NAA80: variants seen among roughly 807,000 people sequenced by gnomAD.
NAA80 encodes N-alpha-acetyltransferase 80, NatH catalytic subunit, also known as N-alpha-acetyltransferase 80.
In NAA80, 5 loss-of-function variants were observed where a neutral mutation model predicts 8.7. The ratio of observed to expected loss-of-function variants is 0.58; its 90% CI spans 0.30 to 1.21. NAA80 has a LOEUF of 1.21. NAA80 is among the 50% of genes most tolerant of loss of function. NAA80 has a pLI of 0.07. For missense variants in NAA80, 360 were observed against 368.6 expected, an observed-to-expected ratio of 0.98 and a Z score of 0.19; for synonymous variants, 149 against 156.6, an observed-to-expected ratio of 0.95 and a Z score of 0.36.
chr3:50,297,522 T>G lies in NAA80; in HGVS notation c.-59A>C. On this transcript the variant is annotated 5_prime_UTR_variant, in exon 2 of 2. Coordinates refer to ENST00000443094, the MANE Select transcript of NAA80 (RefSeq NM_001200016.2). The surrounding 1 kb of genome is among the most constrained non-coding windows in gnomAD (Gnocchi z 4.3). ...GGCTGGGCCAGGGCTCAGAGTCAGCTCTTGCCTATGCACAGGATCCAGGTT... is the reference window on the plus strand; with the variant it reads ...GGCTGGGCCAGGGCTCAGAGTCAGCGCTTGCCTATGCACAGGATCCAGGTT... The G allele has an allele frequency of 6.5e-7, 1 of 1,531,098 alleles. No homozygotes were observed. The highest frequency in any genetic ancestry group is 1.8e-4 in the Middle Eastern group (1 of 5,676). The allele number at this position is 1,531,098 out of a possible 1,614,324, so 94.8% of individuals were successfully genotyped here. A position where few individuals can be genotyped will look rare whatever the true frequency, so the allele number is the denominator to read the frequency against.
chr3:50,297,045 G>A lies in NAA80; in HGVS notation c.419C>T (p.Thr140Ile). The A allele has an allele frequency of 1.3e-6, 2 of 1,538,086 alleles. No homozygotes were observed. Among genetic ancestry groups the A allele is most frequent in the Non-Finnish European group, 1.7e-6 (2 of 1,145,592 alleles). The change falls in exon 2 of 2, where the codon ACA (threonine) becomes ATA (isoleucine). Residue 140 changes from threonine (T) to isoleucine (I), a missense_variant. Coordinates refer to ENST00000443094, the MANE Select transcript of NAA80 (RefSeq NM_001200016.2). The surrounding 1 kb of genome is among the most constrained non-coding windows in gnomAD (Gnocchi z 4.3). The part of the protein sequence containing the change: ...LNQPQSLLVE[T>I]VVVARALRGR... ...CCTCAGGGCCCGGGCCACCACCACT[G>A]TCTCCACTAAGAGGCTCTGGGGCTG...
chr3:50,296,554 T>TC lies in NAA80; in HGVS notation c.*48dup, dbSNP rs200163623. 1.1e-3 allele frequency: 1,664 copies of TC among 1,579,294 alleles called. 14 individuals are homozygous for TC. The African/African-American group carries it at 0.02, about 19-fold the overall frequency. Reference sequence around the variant, plus strand: ...TCAGTGGGCTGAGGCTTGTAGACTGTCGGGGCAGTCTATTGAACCAGAAAG... The same window carrying TC: ...TCAGTGGGCTGAGGCTTGTAGACTGTCCGGGGCAGTCTATTGAACCAGAAAG... On this transcript the variant is annotated 3_prime_UTR_variant, in exon 2 of 2. Transcript: ENST00000443094.
Position 50,296,435 on chromosome 3 carries a change from G to C in NAA80, c.*168C>G. On this transcript the variant is annotated 3_prime_UTR_variant, in exon 2 of 2. Coordinates refer to ENST00000443094, the MANE Select transcript of NAA80 (RefSeq NM_001200016.2). ...AGAGCCTTTATTCAGCCACACTGACGGCTCTGAGCCAGAGCCACCTCCTGG... is the reference window on the plus strand; with the variant it reads ...AGAGCCTTTATTCAGCCACACTGACCGCTCTGAGCCAGAGCCACCTCCTGG... The C allele has an allele frequency of 1.4e-6, 1 of 716,946 alleles. No homozygotes were observed. The allele number at this position is 716,946 out of a possible 1,614,324, so 44.4% of individuals were successfully genotyped here.
At chr3:50,298,771 C>A (rs1420067860) in intron 1 of NAA80, 4 of 1,059,668 alleles carry the variant, frequency 3.8e-6, no homozygotes, top group Non-Finnish European at 3.4e-6. Flanking sequence ...GTAACAGGCA[C>A]CCCCCTCCCC....
intron 1 of NAA80, chr3:50,298,905 G>A: frequency 1.5e-6 from 2 of 1,354,192 alleles, no homozygotes; most frequent in East Asian, 3.0e-5. Context: ...TGAGCCCGGG[G>A]CTTCCCCGCG....
chr3:50,298,122 C>A (rs1575505052), intron 1 of NAA80: 1 of 983,810 alleles, frequency 1.0e-6, no homozygotes, highest in Non-Finnish European at 1.2e-6. Flanking sequence ...AGACACTATA[C>A]CCCCTGCTCA....
Position 50,297,439 on chromosome 3 carries a change from G to C in NAA80, c.25C>G (p.Pro9Ala), listed in dbSNP as rs782111332. The C allele has an allele frequency of 2.5e-6, 4 of 1,610,680 alleles. No homozygotes were observed. In the Admixed American group the frequency reaches 6.7e-5, roughly 27 times the overall value. Reference sequence around the variant, plus strand: ...GCAGGATCCAGAGTCAGCTCAGCTGGGCTGGTACTCAGGATCAGCTCCATC... The same window carrying C: ...GCAGGATCCAGAGTCAGCTCAGCTGCGCTGGTACTCAGGATCAGCTCCATC... MELILSTS[P>A]AELTLDPACQ... Residue 9 changes from proline to alanine, a missense_variant, in exon 2 of 2, where the codon CCA becomes GCA. Transcript: ENST00000443094. This position sits in a 1 kb window ranked among gnomAD's most constrained non-coding sequence, Gnocchi z 4.3.
At position 50,296,517 on chromosome 3, in the gene NAA80, G is replaced by T; in HGVS notation, c.*86C>A. On this transcript the variant is annotated 3_prime_UTR_variant, in exon 2 of 2. Coordinates refer to ENST00000443094, the MANE Select transcript of NAA80 (RefSeq NM_001200016.2). ...TAAAGCTGCCCCCCAGGGGCTAGGG[G>T]CTGAGGTATGGTCAGTGGGCTGAGG... is the stretch of plus-strand genomic sequence containing the variant. 1.4e-6 allele frequency: 2 copies of T among 1,479,036 alleles called. No homozygotes were observed. The highest frequency in any genetic ancestry group is 1.9e-6 in the Non-Finnish European group (2 of 1,080,758). 91.6% of individuals were successfully genotyped at this position (1,479,036 alleles called of 1,614,324 possible).
Position 50,296,514 on chromosome 3 carries a change from G to A in NAA80, c.*89C>T, listed in dbSNP as rs1701844773. Reference sequence around the variant, plus strand: ...GGTTAAAGCTGCCCCCCAGGGGCTAGGGGCTGAGGTATGGTCAGTGGGCTG... The same window carrying A: ...GGTTAAAGCTGCCCCCCAGGGGCTAAGGGCTGAGGTATGGTCAGTGGGCTG... On this transcript the variant is annotated 3_prime_UTR_variant, in exon 2 of 2. Transcript: ENST00000443094. 1.4e-6 allele frequency: 2 copies of A among 1,463,980 alleles called. No homozygotes were observed. The highest frequency in any genetic ancestry group is 9.3e-7 in the Non-Finnish European group (1 of 1,072,528). The allele number at this position is 1,463,980 out of a possible 1,614,324, so 90.7% of individuals were successfully genotyped here.
In NAA80 at chr3:50,299,259, G is replaced by C. The variant is rs781986447; in HGVS notation, c.-256C>G. 6.2e-6 allele frequency: 10 copies of C among 1,613,982 alleles called. No homozygotes were observed. The highest frequency in any genetic ancestry group is 8.5e-6 in the Non-Finnish European group (10 of 1,180,002). On this transcript the variant is annotated 5_prime_UTR_variant, in exon 1 of 2. Transcript: ENST00000443094. ...ATGTTCCGCGTCCTAGCTCCGCACA[G>C]CTGGGTATCTCACTCAGTCGCCACC...
chr3:50,296,762 C>A lies in NAA80; in HGVS notation c.702G>T (p.Arg234Ser), dbSNP rs1553711232. ...APNLTAQAAP[R>S]GPKGPPLPPP... ...GTGGCAATGGAGGTCCCTTGGGACC[C>A]CTTGGGGCAGCTTGGGCAGTCAGGT... The change falls in exon 2 of 2, where the codon AGG becomes AGT. Residue 234 changes from arginine (R) to serine (S), a missense_variant. Transcript: ENST00000443094. 6 of 1,602,700 alleles carry A rather than the reference C, an allele frequency of 3.7e-6. No individual in the cohort carries two copies. The highest frequency in any genetic ancestry group is 1.7e-5 in the Admixed American group (1 of 58,648).
At chr3:50,299,107 A>G in intron 1 of NAA80, 106 bp downstream of exon 1, 3 of 1,610,126 alleles carry the variant, frequency 1.9e-6, no homozygotes, top group Non-Finnish European at 2.5e-6. Flanking sequence ...ATGGTCTGGA[A>G]ACGAACGACT....
In NAA80 at chr3:50,296,512, T is replaced by C. The variant is rs1407884034; in HGVS notation, c.*91A>G. ...CAGGTTAAAGCTGCCCCCCAGGGGC[T>C]AGGGGCTGAGGTATGGTCAGTGGGC... On this transcript the variant is annotated 3_prime_UTR_variant, in exon 2 of 2. Coordinates refer to ENST00000443094, the MANE Select transcript of NAA80 (RefSeq NM_001200016.2). 1.7e-5 allele frequency: 25 copies of C among 1,451,522 alleles called. No homozygotes were observed. The highest frequency in any genetic ancestry group is 2.3e-4 in the Middle Eastern group (1 of 4,278). 89.9% of individuals were successfully genotyped at this position (1,451,522 alleles called of 1,614,324 possible). A position where few individuals can be genotyped will look rare whatever the true frequency, so the allele number is the denominator to read the frequency against.
intron 1 of NAA80, 170 bp downstream of exon 1, chr3:50,299,043 C>A (rs782150206): frequency 1.9e-6 from 3 of 1,562,998 alleles, no homozygotes; most frequent in Non-Finnish European, 2.6e-6. Context: ...GGCTGTGGAG[C>A]TTTTGGGAAT....
Position 50,297,110 on chromosome 3 carries a change from G to T in NAA80, c.354C>A (p.Pro118=). 1 of 1,556,270 alleles carries T rather than the reference G, an allele frequency of 6.4e-7. No homozygotes were observed. The highest frequency in any genetic ancestry group is 8.7e-7 in the Non-Finnish European group (1 of 1,149,682). The change falls in exon 2 of 2, where the codon CCC becomes CCA. Residue 118 remains proline (P), a synonymous_variant. Transcript: ENST00000443094. The surrounding 1 kb of genome is among the most constrained non-coding windows in gnomAD (Gnocchi z 4.3). The part of the protein sequence containing the change: ...LSPHPTLEAA[P]VVVGHARLSR... ...ACAGGCGGGCATGGCCCACCACAAC[G>T]GGTGCTGCTTCAAGTGTGGGGTGGG...
In NAA80 at chr3:50,296,510, G is replaced by A; in HGVS notation, c.*93C>T. Reference sequence around the variant, plus strand: ...CCCAGGTTAAAGCTGCCCCCCAGGGGCTAGGGGCTGAGGTATGGTCAGTGG... The same window carrying A: ...CCCAGGTTAAAGCTGCCCCCCAGGGACTAGGGGCTGAGGTATGGTCAGTGG... On this transcript the variant is annotated 3_prime_UTR_variant, in exon 2 of 2. Transcript: ENST00000443094. 7.0e-7 allele frequency: 1 copy of A among 1,425,234 alleles called. No homozygotes were observed. The highest frequency in any genetic ancestry group is 9.6e-7 in the Non-Finnish European group (1 of 1,040,346). 88.3% of individuals were successfully genotyped at this position (1,425,234 alleles called of 1,614,324 possible). A position where few individuals can be genotyped will look rare whatever the true frequency, so the allele number is the denominator to read the frequency against.
Position 50,296,855 on chromosome 3 carries a change from C to G in NAA80, c.609G>C (p.Arg203=). 6.3e-7 allele frequency: 1 copy of G among 1,590,320 alleles called. No homozygotes were observed. The highest frequency in any genetic ancestry group is 8.6e-7 in the Non-Finnish European group (1 of 1,169,584). Reference sequence around the variant, plus strand: ...AGGCATTAAGCAGGGTGGCAGGCAGCCGTCTGCTGGTGAAGACCAGGCCCT... The same window carrying G: ...AGGCATTAAGCAGGGTGGCAGGCAGGCGTCTGCTGGTGAAGACCAGGCCCT... ...PVQGLVFTSR[R]LPATLLNAFP... is the part of the protein sequence containing the mutation. The change falls in exon 2 of 2, where the codon CGG becomes CGC. Residue 203 remains arginine, a synonymous_variant. Transcript: ENST00000443094.
chr3:50,298,997 G>A (rs1481229809), intron 1 of NAA80: 27 of 1,465,258 alleles, frequency 1.8e-5, no homozygotes, highest in Non-Finnish European at 2.3e-5. Flanking sequence ...CGTCTCTCCC[G>A]GGCCTCGGTT....
chr3:50,297,656 CCA>C lies in NAA80; in HGVS notation c.-195_-194del, dbSNP rs1323109737. 5 of 1,419,658 alleles carry C rather than the reference CCA, an allele frequency of 3.5e-6. No individual in the cohort carries two copies. Among genetic ancestry groups the C allele is most frequent in the African/African-American group, 2.9e-5 (2 of 69,194 alleles). The allele number at this position is 1,419,658 out of a possible 1,614,324, so 87.9% of individuals were successfully genotyped here. A position where few individuals can be genotyped will look rare whatever the true frequency, so the allele number is the denominator to read the frequency against. On this transcript the variant is annotated 5_prime_UTR_variant, in exon 2 of 2. It removes the in-frame stop codon of an upstream open reading frame in the 5' UTR. Transcript: ENST00000443094. This position sits in a 1 kb window ranked among gnomAD's most constrained non-coding sequence, Gnocchi z 4.3. Reference sequence around the variant, plus strand: ...CTCCAGGCAGTAGCATCTCTTCAGACCACAGTGGCTCTCCTCCTGTAGATAAC... The same window carrying C: ...CTCCAGGCAGTAGCATCTCTTCAGACCAGTGGCTCTCCTCCTGTAGATAAC...
Sources: gnomAD v4.1 joint callset for allele counts on GRCh38, gnomAD v4.1.1 for gene constraint, Gnocchi (gnomAD v3.1) non-coding constraint, MANE v1.5 for transcripts, NCBI Gene and HGNC (gene_info 2026-07-23, HGNC 2026-07-21) for gene names.